Variants in MB21D2 observed in about 807,000 individuals in gnomAD.
MB21D2 encodes the protein nucleotidyltransferase MB21D2.
In MB21D2, 9 loss-of-function variants were observed where a neutral mutation model predicts 33.3. The observed-to-expected ratio is 0.27, with a 90% CI of 0.16 to 0.47. The LOEUF (loss-of-function observed/expected upper bound fraction) is 0.47. MB21D2 is among the 20% of genes least tolerant of loss of function. The pLI is 0.99. For missense variants in MB21D2, 540 were observed against 624.6 expected (o/e 0.86, Z 1.44); for synonymous variants, 241 against 236.3 (o/e 1.02, Z -0.18).
intron 1 of MB21D2, among the ~76,000 whole-genome samples, chr3:192,890,279 T>TGATC (rs369959694): frequency 2.6e-5 from 4 of 151,938 alleles, no homozygotes; most frequent in Non-Finnish European, 5.9e-5. Flanking sequence ...CTATTTGCAC[T>TGATC]GATCACAGAT....
intron 1 of MB21D2, among the ~76,000 whole-genome samples, chr3:192,909,549 A>T (rs902832464): frequency 1.3e-5 from 2 of 152,202 alleles, no homozygotes; most frequent in Non-Finnish European, 2.9e-5. Context: ...TTTAAGTTAG[A>T]GGTTAATACA....
At chr3:192,800,416 T>C (rs191256610) in intron 1 of MB21D2, among the ~76,000 whole-genome samples, 6 of 152,266 alleles carry the variant, frequency 3.9e-5, no homozygotes, top group Non-Finnish European at 8.8e-5. Flanking sequence ...ATTGTACTAA[T>C]GGCACAGAAA....
At chr3:192,880,384 G>C (rs1713534323) in intron 1 of MB21D2, among the ~76,000 whole-genome samples, 1 of 152,000 alleles carries the variant, frequency 6.6e-6, no homozygotes, top group Admixed American at 6.6e-5. Context: ...ACTGTTTCAG[G>C]TTGGATTCTT....
intron 1 of MB21D2, among the ~76,000 whole-genome samples, chr3:192,855,083 CA>C (rs1712886672): frequency 6.6e-6 from 1 of 151,874 alleles, no homozygotes; most frequent in African/African-American, 2.4e-5. Flanking sequence ...AGATGATTAT[CA>C]GCATTTTTTA....
At chr3:192,917,476 AAGAG>A (rs544596674) in intron 1 of MB21D2, among the ~76,000 whole-genome samples, 150 bp downstream of exon 1, 192 of 152,250 alleles carry the variant, frequency 1.3e-3, no homozygotes, top group African/African-American at 4.5e-3. Context: ...GCGGAGAAAG[AAGAG>A]AGAGGCGGAA....
chr3:192,903,432 C>G (rs1714144228), intron 1 of MB21D2, among the ~76,000 whole-genome samples: 1 of 152,100 alleles, frequency 6.6e-6, no homozygotes, highest in Non-Finnish European at 1.5e-5. Context: ...ATGATTTGTA[C>G]TTTGCATGGT....
chr3:192,894,540 A>G (rs1003921155), intron 1 of MB21D2, among the ~76,000 whole-genome samples: 1 of 152,176 alleles, frequency 6.6e-6, no homozygotes, highest in African/African-American at 2.4e-5. Flanking sequence ...TTCACCTCTC[A>G]TTTTAATAGG....
intron 1 of MB21D2, among the ~76,000 whole-genome samples, chr3:192,840,415 C>CTTTTTTTTTTTTTTTTTTTTTT (rs71177380): frequency 2.3e-5 from 2 of 88,290 alleles, no homozygotes; most frequent in African/African-American, 4.2e-5. Flanking sequence ...TCTCTTTTTT[C>CTTTTTTTTTTTTTTTTTTTTTT]TTTTTTTTTT....
At chr3:192,913,441 G>A (rs1714397293) in intron 1 of MB21D2, among the ~76,000 whole-genome samples, 2 of 152,210 alleles carry the variant, frequency 1.3e-5, no homozygotes, top group South Asian at 2.1e-4. Context: ...ATAAACTCAC[G>A]TATATATTCT....
chr3:192,817,367 A>G (rs1711949987), intron 1 of MB21D2, among the ~76,000 whole-genome samples: 1 of 152,164 alleles, frequency 6.6e-6, no homozygotes, highest in African/African-American at 2.4e-5. Flanking sequence ...AACACTCTGA[A>G]TGAAAAGTTA....
intron 1 of MB21D2, among the ~76,000 whole-genome samples, chr3:192,825,376 G>A (rs550979509): frequency 6.6e-6 from 1 of 152,306 alleles, no homozygotes; most frequent in South Asian, 2.1e-4. Context: ...TCTCATGCCA[G>A]AGCAAGTCAA....
chr3:192,854,699 T>A (rs181192897), intron 1 of MB21D2, among the ~76,000 whole-genome samples: 219 of 152,318 alleles, frequency 1.4e-3, no homozygotes, highest in South Asian at 0.014. Context: ...GACTCTCTTG[T>A]TAGAAGCTAA....
chr3:192,808,537 G>A (rs1217793398), intron 1 of MB21D2, among the ~76,000 whole-genome samples: 5 of 152,152 alleles, frequency 3.3e-5, no homozygotes. Flanking sequence ...TCATCCATCC[G>A]GCAGAATTTT....
At chr3:192,806,605 T>C (rs537871165) in intron 1 of MB21D2, among the ~76,000 whole-genome samples, 2 of 152,316 alleles carry the variant, frequency 1.3e-5, no homozygotes, top group African/African-American at 4.8e-5. Context: ...GCATTGCTAG[T>C]ACAGACTTTA....
intron 1 of MB21D2, among the ~76,000 whole-genome samples, chr3:192,855,474 G>A (rs894924685): frequency 2.6e-5 from 4 of 152,152 alleles, no homozygotes; most frequent in African/African-American, 4.8e-5. Context: ...ATAGGGTAAT[G>A]GGAAACAAAA....
chr3:192,800,854 G>C (rs773735650), intron 1 of MB21D2, among the ~76,000 whole-genome samples: 3 of 152,180 alleles, frequency 2.0e-5, no homozygotes, highest in Non-Finnish European at 4.4e-5. Flanking sequence ...AACAAAATGA[G>C]CCTGGCTTCA....
intron 1 of MB21D2, among the ~76,000 whole-genome samples, chr3:192,848,330 T>C (rs916198163): frequency 5.3e-5 from 8 of 152,278 alleles, no homozygotes; most frequent in African/African-American, 1.9e-4. Flanking sequence ...AAATCTCTAA[T>C]GGGGAGGGAA....
At chr3:192,906,004 A>C (rs537167773) in intron 1 of MB21D2, among the ~76,000 whole-genome samples, 2 of 152,352 alleles carry the variant, frequency 1.3e-5, no homozygotes, top group African/African-American at 2.4e-5. Context: ...TACAATAATA[A>C]TACTTACTTC....
intron 1 of MB21D2, among the ~76,000 whole-genome samples, chr3:192,879,860 G>A (rs1265191438): frequency 6.6e-6 from 1 of 152,116 alleles, no homozygotes; most frequent in Non-Finnish European, 1.5e-5. Context: ...TCAGCACCTT[G>A]CCCAAGGCCA....
Sources: gnomAD v4.1 joint callset for allele counts (sites outside exome capture counted in the v4.1 genomes callset) on GRCh38, gnomAD v4.1.1 for gene constraint, MANE v1.5 for transcripts, NCBI Gene and HGNC (gene_info 2026-07-23, HGNC 2026-07-21) for gene names.